Variants in ELMO1 observed in about 807,000 individuals in gnomAD.
ELMO1 encodes engulfment and cell motility 1, also known as engulfment and cell motility protein 1.
Under a neutral mutation model 98.9 loss-of-function variants are expected in ELMO1, and 26 were observed. The ratio of observed to expected loss-of-function variants is 0.26; its 90% CI spans 0.19 to 0.36. The LOEUF (loss-of-function observed/expected upper bound fraction) is 0.36, where lower values mean the gene tolerates loss of function less well. ELMO1 is among the 10% of genes least tolerant of loss of function. ELMO1 has a pLI of 1.00. For synonymous variants in ELMO1, 346 were observed against 346.0 expected (o/e 1.00, Z 0.00); for missense variants, 627 against 935.2 (o/e 0.67, Z 4.30).
intron 1 of ELMO1, among the ~76,000 whole-genome samples, chr7:37,428,119 T>G (rs1804785775): frequency 6.6e-6 from 1 of 151,840 alleles, no homozygotes; most frequent in African/African-American, 2.4e-5. Flanking sequence ...TGAAAGGAAT[T>G]AATAATGCAG....
Position 36,924,115 on chromosome 7 carries a change from T to C in ELMO1, c.1438-29098A>G, listed in dbSNP as rs150476746. Among the ~76,000 whole-genome samples the C allele has an allele frequency of 2.8e-4, 42 of 152,344 alleles. No homozygotes were observed. The East Asian group carries it at 7.7e-3, about 28-fold the overall frequency. ...GTATTAGAACAACTGCTCTTCTAAA[T>C]ACCACTTGTTTCAACCACACTCCAC... is the stretch of plus-strand genomic sequence containing the variant. On this transcript the variant is annotated intron_variant, in intron 16 of 21. Transcript: ENST00000310758.
chr7:37,198,259 C>T (rs1049323069), intron 13 of ELMO1, among the ~76,000 whole-genome samples: 1 of 152,166 alleles, frequency 6.6e-6, no homozygotes, highest in Non-Finnish European at 1.5e-5. Flanking sequence ...GTTTTTGAAG[C>T]CATGTATTTC....
chr7:37,231,767 T>G (rs531054260), intron 8 of ELMO1, among the ~76,000 whole-genome samples: 1 of 152,280 alleles, frequency 6.6e-6, no homozygotes, highest in Admixed American at 6.5e-5. Flanking sequence ...AGCTTATTTA[T>G]CAATTTTGAT....
chr7:37,431,046 G>A (rs992336725), intron 1 of ELMO1, among the ~76,000 whole-genome samples: 4 of 152,228 alleles, frequency 2.6e-5, no homozygotes, highest in African/African-American at 9.7e-5. Flanking sequence ...AATCAGAACA[G>A]TCTACCTTGG....
intron 1 of ELMO1, among the ~76,000 whole-genome samples, chr7:37,428,601 A>G (rs1804805067): frequency 6.6e-6 from 1 of 152,234 alleles, no homozygotes; most frequent in Non-Finnish European, 1.5e-5. Context: ...TCAAATGAAA[A>G]TGTGTATTAG....
intron 5 of ELMO1, among the ~76,000 whole-genome samples, chr7:37,261,364 C>A (rs1271529666): frequency 6.6e-6 from 1 of 152,176 alleles, no homozygotes; most frequent in Non-Finnish European, 1.5e-5. Context: ...AACAGTGGAT[C>A]TCAAATTGTT....
chr7:37,185,641 C>T (rs566394884), intron 13 of ELMO1, among the ~76,000 whole-genome samples: 2 of 152,196 alleles, frequency 1.3e-5, no homozygotes, highest in Non-Finnish European at 1.5e-5. Flanking sequence ...TGGCTCAAGC[C>T]AGACAAGATT....
chr7:37,433,273 G>T (rs182778919), intron 1 of ELMO1, among the ~76,000 whole-genome samples: 2 of 152,208 alleles, frequency 1.3e-5, no homozygotes, highest in Admixed American at 1.3e-4. Flanking sequence ...CATACACTGA[G>T]TACTTCTTAT....
At chr7:36,893,189 AAG>A (rs1805706393) in intron 17 of ELMO1, among the ~76,000 whole-genome samples, 1 of 152,238 alleles carries the variant, frequency 6.6e-6, no homozygotes, top group African/African-American at 2.4e-5. Flanking sequence ...AAGCATAATA[AAG>A]TGTCCTACGT....
chr7:37,355,600 A>T (rs747647981), intron 1 of ELMO1, among the ~76,000 whole-genome samples: 3 of 152,170 alleles, frequency 2.0e-5, no homozygotes, highest in African/African-American at 4.8e-5. Context: ...CGGAGGGGGG[A>T]AAGTTAGGGT....
intron 16 of ELMO1, among the ~76,000 whole-genome samples, chr7:36,983,704 T>C (rs1007276856): frequency 2.6e-5 from 4 of 152,186 alleles, no homozygotes. Flanking sequence ...CAGTAAATGC[T>C]CAGGACAGAT....
intron 13 of ELMO1, among the ~76,000 whole-genome samples, chr7:37,199,208 G>C (rs992103649): frequency 6.6e-6 from 1 of 152,202 alleles, no homozygotes; most frequent in African/African-American, 2.4e-5. Flanking sequence ...TGTGTCTGGA[G>C]TTAAAGTTAA....
chr7:37,090,352 T>C (rs1182001541), intron 15 of ELMO1, among the ~76,000 whole-genome samples: 1 of 152,228 alleles, frequency 6.6e-6, no homozygotes, highest in Admixed American at 6.5e-5. Context: ...CCAGAAAATA[T>C]AATCTAATTC....
chr7:37,265,914 C>A (rs1244648502), intron 5 of ELMO1, among the ~76,000 whole-genome samples: 1 of 151,794 alleles, frequency 6.6e-6, no homozygotes, highest in Non-Finnish European at 1.5e-5. Flanking sequence ...CCGGGAGGAA[C>A]AGGACATCCT....
intron 17 of ELMO1, among the ~76,000 whole-genome samples, chr7:36,894,554 T>A (rs531863482): frequency 3.4e-4 from 52 of 152,206 alleles, no homozygotes; most frequent in African/African-American, 1.2e-3. Context: ...AGAAAAAAAA[T>A]TGTTCCAAGT....
Position 37,367,342 on chromosome 7 carries a change from G to A in ELMO1, c.-73-24579C>T, listed in dbSNP as rs1379121123. Among the ~76,000 whole-genome samples the A allele has an allele frequency of 2.0e-5, 3 of 152,074 alleles. No homozygotes were observed. In the East Asian group the frequency reaches 5.8e-4, roughly 29 times the overall value. On this transcript the variant is annotated intron_variant, in intron 1 of 21. Transcript: ENST00000310758. ...CACTACCTTGCAATGTTACACACCG[G>A]TCTATGTGTTTATTGTCCTAATTCC...
At chr7:37,360,251 C>T (rs1801650274) in intron 1 of ELMO1, among the ~76,000 whole-genome samples, 1 of 152,058 alleles carries the variant, frequency 6.6e-6, no homozygotes, top group South Asian at 2.1e-4. Flanking sequence ...AGAGTACAGC[C>T]TCAGAACAAG....
chr7:37,009,827 G>A (rs1048935052), intron 16 of ELMO1, among the ~76,000 whole-genome samples: 2 of 152,206 alleles, frequency 1.3e-5, no homozygotes, highest in African/African-American at 4.8e-5. Flanking sequence ...AATTTGGACA[G>A]TCAGAGAATA....
chr7:37,222,248 T>A (rs149238023), intron 10 of ELMO1, among the ~76,000 whole-genome samples: 1 of 152,356 alleles, frequency 6.6e-6, no homozygotes, highest in Non-Finnish European at 1.5e-5. Context: ...CTCAACCTAG[T>A]GAGCATCCCA....
Sources: allele counts gnomAD v4.1 joint callset (sites outside exome capture counted in the v4.1 genomes callset), GRCh38; gene constraint gnomAD v4.1.1; transcripts MANE v1.5; gene names NCBI Gene and HGNC (gene_info 2026-07-23, HGNC 2026-07-21).